The following PDE1A variants were observed in gnomAD, a reference collection of about 807,000 sequenced individuals.
The protein encoded by PDE1A is dual specificity calcium/calmodulin-dependent 3',5'-cyclic nucleotide phosphodiesterase 1A.
In PDE1A, 35 loss-of-function variants were observed where a neutral mutation model predicts 61.7. The observed-to-expected ratio is 0.57, with a 90% CI of 0.43 to 0.75. PDE1A has a LOEUF of 0.75. PDE1A is among the 30% of genes least tolerant of loss of function. The pLI, the probability that PDE1A is intolerant of heterozygous loss-of-function variation, is 0.00. For synonymous variants in PDE1A, 232 were observed against 213.2 expected, an observed-to-expected ratio of 1.09 and a Z score of -0.77; for missense variants, 597 against 630.6, an observed-to-expected ratio of 0.95 and a Z score of 0.57.
At chr2:182,700,737 A>AAAAAAAAAAAAAAAAAAAAAAAG in the PDE1A span, among the ~76,000 whole-genome samples, 1 of 143,958 alleles carries the variant, frequency 6.9e-6, no homozygotes, top group Non-Finnish European at 1.5e-5. Context: ...AAAAAAAAAA[A>AAAAAAAAAAAAAAAAAAAAAAAG]AAACAGAAAG....
chr2:182,671,329 G>A, the PDE1A span, among the ~76,000 whole-genome samples: 3 of 137,820 alleles, frequency 2.2e-5, no homozygotes, highest in South Asian at 2.5e-4. Context: ...CTGCCACCAC[G>A]ACTGGCTAAT....
At chr2:182,586,494 T>G in the PDE1A span, among the ~76,000 whole-genome samples, 1 of 152,214 alleles carries the variant, frequency 6.6e-6, no homozygotes, top group Admixed American at 6.5e-5. Context: ...TTTCTACTAC[T>G]TTCCTCTGAG....
intron 1 of PDE1A, among the ~76,000 whole-genome samples, chr2:182,421,545 G>A (rs1374845186): frequency 6.6e-6 from 1 of 152,118 alleles, no homozygotes; most frequent in Non-Finnish European, 1.5e-5. Context: ...TATGATGCTA[G>A]TTTATTGGAG....
At chr2:182,276,769 T>C in intron 1 of PDE1A, among the ~76,000 whole-genome samples, 1 of 152,136 alleles carries the variant, frequency 6.6e-6, no homozygotes, top group Middle Eastern at 3.4e-3. Context: ...ACTGAATTCT[T>C]TTCCTAGCAA....
chr2:182,267,224 C>G (rs550811832), intron 1 of PDE1A, among the ~76,000 whole-genome samples: 10 of 151,966 alleles, frequency 6.6e-5, no homozygotes, highest in Non-Finnish European at 1.2e-4. Context: ...ATGAACATGC[C>G]CTTTCACACA....
intron 13 of PDE1A, among the ~76,000 whole-genome samples, chr2:182,178,138 A>T (rs1319674970): frequency 6.6e-6 from 1 of 152,182 alleles, no homozygotes; most frequent in Non-Finnish European, 1.5e-5. Flanking sequence ...ACAAGGAGAC[A>T]CAGGGGTTGT....
intron 13 of PDE1A, among the ~76,000 whole-genome samples, chr2:182,149,510 A>C (rs540349585): frequency 6.6e-6 from 1 of 152,314 alleles, no homozygotes; most frequent in Non-Finnish European, 1.5e-5. Context: ...CTAAAATTCC[A>C]GCTCTTTTCA....
chr2:182,521,088 T>C (rs1690536790), intron 2 of PDE1A, among the ~76,000 whole-genome samples: 1 of 152,034 alleles, frequency 6.6e-6, no homozygotes, highest in African/African-American at 2.4e-5. Flanking sequence ...TGTAAAGCCA[T>C]GTATTACTTC....
At chr2:182,672,746 T>C in the PDE1A span, among the ~76,000 whole-genome samples, 1 of 152,252 alleles carries the variant, frequency 6.6e-6, no homozygotes, top group Non-Finnish European at 1.5e-5. Context: ...ATAAGCTGCC[T>C]CTGTAGGATG....
At position 182,415,438 on chromosome 2, in the gene PDE1A, C is replaced by T. The variant is rs547439691; in HGVS notation, c.53+11140G>A. ...AAATATAGATTAATAGGATGGCTGT[C>T]AAATTATATTTTAATCATTTCTATT... On this transcript the variant is annotated intron_variant, in intron 1 of 13. Transcript: ENST00000351439. 2.0e-5 allele frequency among the ~76,000 whole-genome samples: 3 copies of T among 152,216 alleles called. No homozygotes were observed. The South Asian group carries it at 6.2e-4, about 32-fold the overall frequency.
the PDE1A span, among the ~76,000 whole-genome samples, chr2:182,593,932 T>C: frequency 6.6e-6 from 1 of 152,216 alleles, no homozygotes; most frequent in Non-Finnish European, 1.5e-5. Context: ...CAAATAAAAC[T>C]GTCTTGAAAA....
chr2:182,476,506 A>G (rs1687375741), intron 2 of PDE1A, among the ~76,000 whole-genome samples: 3 of 151,918 alleles, frequency 2.0e-5, no homozygotes, highest in Admixed American at 1.3e-4. Flanking sequence ...TAAATTAATT[A>G]AATAAAAGTA....
At chr2:182,380,636 T>G (rs1219213141) in intron 1 of PDE1A, among the ~76,000 whole-genome samples, 1 of 152,238 alleles carries the variant, frequency 6.6e-6, no homozygotes, top group Non-Finnish European at 1.5e-5. Context: ...GCAGGTAATC[T>G]TATAATTTTT....
At chr2:182,420,273 T>C (rs1269085533) in intron 1 of PDE1A, among the ~76,000 whole-genome samples, 1 of 152,130 alleles carries the variant, frequency 6.6e-6, no homozygotes, top group Non-Finnish European at 1.5e-5. Context: ...GCATCTCTGT[T>C]AGTGATCTCT....
chr2:182,250,524 T>G (rs760057878), intron 2 of PDE1A, among the ~76,000 whole-genome samples: 12 of 152,172 alleles, frequency 7.9e-5, no homozygotes, highest in Non-Finnish European at 1.8e-4. Flanking sequence ...AAAAAGTATT[T>G]AAAATGGCAA....
intron 13 of PDE1A, among the ~76,000 whole-genome samples, chr2:182,161,034 T>C (rs961682118): frequency 1.3e-5 from 2 of 152,194 alleles, no homozygotes; most frequent in Non-Finnish European, 2.9e-5. Context: ...AGTGACTATA[T>C]GCATACCTTC....
intron 2 of PDE1A, among the ~76,000 whole-genome samples, chr2:182,454,257 G>C (rs1210867381): frequency 6.6e-6 from 1 of 151,964 alleles, no homozygotes; most frequent in African/African-American, 2.4e-5. Flanking sequence ...CACTGCTCAA[G>C]GAAATAAAAG....
intron 1 of PDE1A, among the ~76,000 whole-genome samples, chr2:182,297,004 A>G (rs575359220): frequency 6.6e-6 from 1 of 152,272 alleles, no homozygotes; most frequent in South Asian, 2.1e-4. Context: ...CTGGAATTAC[A>G]TCACTGCTTT....
At chr2:182,408,889 G>A (rs1412194881) in intron 1 of PDE1A, among the ~76,000 whole-genome samples, 2 of 152,200 alleles carry the variant, frequency 1.3e-5, no homozygotes, top group African/African-American at 4.8e-5. Context: ...TCAGCTAGAA[G>A]CCAATCCACT....
Sources: gnomAD v4.1 joint callset for allele counts (sites outside exome capture counted in the v4.1 genomes callset) on GRCh38, gnomAD v4.1.1 for gene constraint, MANE v1.5 for transcripts, NCBI Gene and HGNC (gene_info 2026-07-23, HGNC 2026-07-21) for gene names.